TRMT44: variants seen among roughly 807,000 people sequenced by gnomAD.
TRMT44 encodes the protein probable tRNA (uracil-O(2)-)-methyltransferase.
Under a neutral mutation model 77.3 loss-of-function variants are expected in TRMT44, and 78 were observed. The ratio of observed to expected loss-of-function variants is 1.01; its 90% CI spans 0.84 to 1.22. The LOEUF (loss-of-function observed/expected upper bound fraction) is 1.22. TRMT44 is among the 50% of genes most tolerant of loss of function. The probability of loss-of-function intolerance (pLI) is 0.00; values close to 1 mark genes in which losing one functional copy is unlikely to be tolerated. For missense variants in TRMT44, 1,090 were observed against 964.4 expected, an observed-to-expected ratio of 1.13 and a Z score of -1.73; for synonymous variants, 391 against 383.3, an observed-to-expected ratio of 1.02 and a Z score of -0.23.
At chr4:8,501,023 C>T in the TRMT44 span, among the ~76,000 whole-genome samples, 2 of 152,280 alleles carry the variant, frequency 1.3e-5, no homozygotes, top group African/African-American at 2.4e-5. The surrounding 1 kb of genome is among the most constrained non-coding windows in gnomAD (Gnocchi z 4.4). Context: ...GGGGTGAGAA[C>T]GCTTGGGAAG....
chr4:8,486,805 G>C (rs536402495), intron 2 of TRMT44, among the ~76,000 whole-genome samples: 2 of 149,342 alleles, frequency 1.3e-5, no homozygotes, highest in Admixed American at 1.3e-4. Flanking sequence ...ACTGTAAACC[G>C]GACGGGGTGT....
chr4:8,470,824 G>A, intron 9 of TRMT44: 1 of 336,350 alleles, frequency 3.0e-6, no homozygotes, highest in East Asian at 5.4e-5. Context: ...AGCATCACCT[G>A]ACGCCTGGCC....
intron 2 of TRMT44, among the ~76,000 whole-genome samples, chr4:8,483,707 G>C (rs1160490418): frequency 6.6e-6 from 1 of 152,182 alleles, no homozygotes; most frequent in African/African-American, 2.4e-5. Flanking sequence ...CTGAAAAACT[G>C]CTTGGCTGAT....
At chr4:8,478,084 C>G (rs1359804203), downstream of TRMT44, 1 of 153,244 alleles carries the variant, frequency 6.5e-6, no homozygotes, top group Non-Finnish European at 1.5e-5. Flanking sequence ...TTTCCCAAGC[C>G]CAGAGCCCCT....
Position 8,468,107 on chromosome 4 carries a change from G to A in TRMT44, c.1688G>A (p.Arg563Lys). The A allele has an allele frequency of 6.2e-7, 1 of 1,613,980 alleles. No homozygotes were observed. Among genetic ancestry groups the A allele is most frequent in the Non-Finnish European group, 8.5e-7 (1 of 1,179,996 alleles). The change falls in exon 9 of 11, where the codon AGG (arginine) becomes AAG (lysine). Residue 563 changes from arginine to lysine, a missense_variant. Coordinates refer to ENST00000389737, the MANE Select transcript of TRMT44 (RefSeq NM_152544.3). ...HCDGQQALDA[R>K]VGCVTRAWAA... ...GACGGTCAGCAAGCTCTGGACGCCA[G>A]GGTCGGGTGTGTAACCAGGGCCTGG... is the stretch of plus-strand genomic sequence containing the variant.
chr4:8,483,578 T>G (rs1054096845), intron 2 of TRMT44, among the ~76,000 whole-genome samples: 1 of 152,224 alleles, frequency 6.6e-6, no homozygotes, highest in African/African-American at 2.4e-5. Flanking sequence ...TGTCCAGTCC[T>G]TTTTAAGTTG....
intron 6 of TRMT44, among the ~76,000 whole-genome samples, chr4:8,460,715 C>A (rs188402624): frequency 2.0e-5 from 3 of 152,144 alleles, no homozygotes; most frequent in Admixed American, 6.5e-5. Flanking sequence ...CACCACTACG[C>A]CTGACTAATT....
At chr4:8,476,933 G>T (rs1394800525), downstream of TRMT44, 2 of 152,170 alleles carry the variant, frequency 1.3e-5, no homozygotes, top group Admixed American at 6.5e-5. Flanking sequence ...TAGAGGCGGG[G>T]TCTCGCTATG....
chr4:8,478,927 A>G (rs1727520384), downstream of TRMT44: 1 of 152,196 alleles, frequency 6.6e-6, no homozygotes, highest in African/African-American at 2.4e-5. Flanking sequence ...TGGAGTTACC[A>G]TGGTGACCGC....
chr4:8,486,545 TAATAA>T (rs1246727224), intron 2 of TRMT44, among the ~76,000 whole-genome samples: 4 of 152,098 alleles, frequency 2.6e-5, no homozygotes, highest in Non-Finnish European at 5.9e-5. Flanking sequence ...GCAGATAGGG[TAATAA>T]AATGTATATT....
chr4:8,488,187 A>G (rs914543414), intron 2 of TRMT44, among the ~76,000 whole-genome samples: 1 of 152,186 alleles, frequency 6.6e-6, no homozygotes, highest in Admixed American at 6.5e-5. Context: ...GACCTTTATC[A>G]TGGAGCAAAG....
At chr4:8,467,449 A>G (rs1726662185) in intron 8 of TRMT44, among the ~76,000 whole-genome samples, 2 of 152,120 alleles carry the variant, frequency 1.3e-5, no homozygotes, top group East Asian at 1.9e-4. Context: ...AGTTACTTAT[A>G]TTGGTGTCAG....
At chr4:8,484,936 A>C (rs1231071779) in intron 2 of TRMT44, among the ~76,000 whole-genome samples, 1 of 152,152 alleles carries the variant, frequency 6.6e-6, no homozygotes, top group East Asian at 1.9e-4. Flanking sequence ...ACAGATGGAG[A>C]AGAAATTTGA....
chr4:8,451,237 T>C lies in TRMT44; in HGVS notation c.955-723T>C, dbSNP rs1725429291. Among the ~76,000 whole-genome samples, 1 of 152,198 alleles carries C rather than the reference T, an allele frequency of 6.6e-6. No homozygotes were observed. The highest frequency in any genetic ancestry group is 1.5e-5 in the Non-Finnish European group (1 of 68,042). ...CCTGGCCTCGTGGTCCTTTGCCATC[T>C]TGTTAGCTATTTGGTACCGTCCAGA... On this transcript the variant is annotated intron_variant, in intron 3 of 10. Coordinates refer to ENST00000389737, the MANE Select transcript of TRMT44 (RefSeq NM_152544.3). The surrounding 1 kb of genome is among the most constrained non-coding windows in gnomAD (Gnocchi z 4.1).
chr4:8,487,537 G>C (rs941520461), intron 2 of TRMT44, among the ~76,000 whole-genome samples: 12 of 151,802 alleles, frequency 7.9e-5, no homozygotes, highest in Non-Finnish European at 1.3e-4. Flanking sequence ...GTAGAGGTAA[G>C]AGGTCGGGCC....
At chr4:8,462,020 TAAC>T (rs754302178) in intron 6 of TRMT44, among the ~76,000 whole-genome samples, 25 of 152,254 alleles carry the variant, frequency 1.6e-4, no homozygotes, top group South Asian at 2.1e-4. Context: ...CACCTGTTTA[TAAC>T]AACAGCCTGG....
chr4:8,460,862 T>G (rs1726109943), intron 6 of TRMT44, among the ~76,000 whole-genome samples: 1 of 151,832 alleles, frequency 6.6e-6, no homozygotes, highest in Non-Finnish European at 1.5e-5. Flanking sequence ...CCCTTTTATT[T>G]TTTTGGAGAC....
downstream of TRMT44, among the ~76,000 whole-genome samples, chr4:8,495,162 C>G (rs1425384189): frequency 6.6e-6 from 1 of 152,184 alleles, no homozygotes; most frequent in Non-Finnish European, 1.5e-5. Flanking sequence ...ACTGTTCACA[C>G]CTGGAACAGG....
At position 8,454,368 on chromosome 4, in the gene TRMT44, A is replaced by G. The variant is rs143054089; in HGVS notation, c.1132-374A>G. On this transcript the variant is annotated intron_variant, in intron 5 of 10. Coordinates refer to ENST00000389737, the MANE Select transcript of TRMT44 (RefSeq NM_152544.3). Reference sequence around the variant, plus strand: ...CAGCTGAGAAATTCTGGTGTCATCCATGAATGCTAATGACACACTTGAAAA... The same window carrying G: ...CAGCTGAGAAATTCTGGTGTCATCCGTGAATGCTAATGACACACTTGAAAA... 497 of 216,772 alleles carry G rather than the reference A, an allele frequency of 2.3e-3. 6 individuals are homozygous for G. Among genetic ancestry groups the G allele is most frequent in the Admixed American group, 1.8e-3 (36 of 19,632 alleles). 13.4% of individuals were successfully genotyped at this position (216,772 alleles called of 1,614,324 possible). A position where few individuals can be genotyped will look rare whatever the true frequency, so the allele number is the denominator to read the frequency against.
Sources: allele counts gnomAD v4.1 joint callset (sites outside exome capture counted in the v4.1 genomes callset), GRCh38; gene constraint gnomAD v4.1.1; non-coding constraint Gnocchi (gnomAD v3.1); transcripts MANE v1.5; gene names NCBI Gene and HGNC (gene_info 2026-07-23, HGNC 2026-07-21).